The following SV2B variants were observed in gnomAD, a reference collection of about 807,000 sequenced individuals.
SV2B encodes synaptic vesicle glycoprotein 2B.
A neutral mutation model predicts 73.9 loss-of-function variants in SV2B; 41 were observed. The observed-to-expected ratio is 0.56, with a 90% CI of 0.43 to 0.72. The LOEUF (loss-of-function observed/expected upper bound fraction) is 0.72. SV2B is among the 30% of genes least tolerant of loss of function. SV2B has a pLI of 0.00. For synonymous variants in SV2B, 314 were observed against 314.2 expected (o/e 1.00, Z 0.01); for missense variants, 764 against 857.8 (o/e 0.89, Z 1.37).
rs16945403 is a variant in SV2B at position 91,236,584 on chromosome 15, A to G, written c.451+9870A>G. On this transcript the variant is annotated intron_variant, in intron 2 of 12. Coordinates refer to ENST00000394232, the MANE Select transcript of SV2B (RefSeq NM_001323032.3). The surrounding 1 kb of genome is among the most constrained non-coding windows in gnomAD (Gnocchi z 4.1). ...GTAAGCTTTTGACCTTGGTGGCCCA[A>G]TGAAGAGGGTTTAGAGATGGATCTT... Among the ~76,000 whole-genome samples, 21,313 of 152,184 alleles carry G rather than the reference A, an allele frequency of 0.14. 3,437 individuals carry two copies. The highest frequency in any genetic ancestry group is 0.4 in the African/African-American group (16,582 of 41,444).
At position 91,258,626 on chromosome 15, in the gene SV2B, T is replaced by G; in HGVS notation, c.918+72T>G. On this transcript the variant is annotated intron_variant, in intron 5 of 12. Transcript: ENST00000394232. This position sits in a 1 kb window ranked among gnomAD's most constrained non-coding sequence, Gnocchi z 4.7. ...AGGAACCCAGCCTCGCTTCCTTCTC[T>G]CAGCTCCTAGTCCCACATCCTCTGC... The G allele has an allele frequency of 1.2e-6, 2 of 1,601,514 alleles. No individual in the cohort carries two copies. The highest frequency in any genetic ancestry group is 1.7e-6 in the Non-Finnish European group (2 of 1,173,660).
In SV2B at chr15:91,242,172, G is replaced by A. The variant is rs775070573; in HGVS notation, c.452-9647G>A. Among the ~76,000 whole-genome samples, 39 of 152,060 alleles carry A rather than the reference G, an allele frequency of 2.6e-4. No homozygotes were observed. Among genetic ancestry groups the A allele is most frequent in the African/African-American group, 7.2e-4 (30 of 41,388 alleles). ...ACATCTAAGCTACCTCTGTCTCCTCGTTTTCCACCTGCCCATTGGCTGCTC... is the reference window on the plus strand; with the variant it reads ...ACATCTAAGCTACCTCTGTCTCCTCATTTTCCACCTGCCCATTGGCTGCTC... On this transcript the variant is annotated intron_variant, in intron 2 of 12. Transcript: ENST00000394232. This position sits in a 1 kb window ranked among gnomAD's most constrained non-coding sequence, Gnocchi z 4.9.
At chr15:91,165,376 C>T (rs1439188161) in intron 1 of SV2B, among the ~76,000 whole-genome samples, 4 of 152,166 alleles carry the variant, frequency 2.6e-5, no homozygotes, top group Non-Finnish European at 2.9e-5. Flanking sequence ...CAGTATTGAA[C>T]GTGTACAGGC....
intron 1 of SV2B, among the ~76,000 whole-genome samples, chr15:91,104,224 T>C (rs1414393055): frequency 2.0e-5 from 3 of 152,210 alleles, no homozygotes; most frequent in African/African-American, 7.2e-5. Flanking sequence ...GCTTGCTTGA[T>C]TTCAGCTGTG....
chr15:91,213,755 T>TA (rs1035188069), intron 1 of SV2B, among the ~76,000 whole-genome samples: 3 of 152,122 alleles, frequency 2.0e-5, no homozygotes, highest in Non-Finnish European at 4.4e-5. Context: ...AGGGTTACTA[T>TA]AAAAAAAGAC....
In SV2B at chr15:91,292,693, C is replaced by A. The variant is rs1036137789; in HGVS notation, c.*141C>A. Reference sequence around the variant, plus strand: ...TGACTTTGTGACCCCTAGTTTAGGACCCACTTCAGCTGTCAATATGTTTGT... The same window carrying A: ...TGACTTTGTGACCCCTAGTTTAGGAACCACTTCAGCTGTCAATATGTTTGT... On this transcript the variant is annotated 3_prime_UTR_variant, in exon 13 of 13. Coordinates refer to ENST00000394232, the MANE Select transcript of SV2B (RefSeq NM_001323032.3). 2.4e-5 allele frequency: 24 copies of A among 1,012,246 alleles called. No homozygotes were observed. Among genetic ancestry groups the A allele is most frequent in the Non-Finnish European group, 3.3e-5 (24 of 717,818 alleles). 62.7% of individuals were successfully genotyped at this position (1,012,246 alleles called of 1,614,324 possible). A position where few individuals can be genotyped will look rare whatever the true frequency, so the allele number is the denominator to read the frequency against.
chr15:91,289,546 C>G lies in SV2B; in HGVS notation c.1734C>G (p.Val578=), dbSNP rs772490667. Residue 578 remains valine, a synonymous_variant, in exon 12 of 13, where the codon GTC becomes GTG. Coordinates refer to ENST00000394232, the MANE Select transcript of SV2B (RefSeq NM_001323032.3). This position sits in a 1 kb window ranked among gnomAD's most constrained non-coding sequence, Gnocchi z 4.9. ...GTGGCTCCATGCTAATCTCTGCAGT[C>G]TGCTGCTTCTTCCTGTTTTTTGGCA... The part of the protein sequence containing the change: ...MIGGSMLISA[V]CCFFLFFGNS... The G allele has an allele frequency of 4.3e-6, 7 of 1,614,128 alleles. No homozygotes were observed. In the East Asian group the frequency reaches 1.6e-4, roughly 36 times the overall value.
At chr15:91,200,293 A>T (rs912897257) in intron 1 of SV2B, among the ~76,000 whole-genome samples, 2 of 152,192 alleles carry the variant, frequency 1.3e-5, no homozygotes, top group Non-Finnish European at 2.9e-5. Context: ...TCTCCAGCAA[A>T]ATTGCTAGGA....
At chr15:91,180,472 A>C (rs911890515) in intron 1 of SV2B, among the ~76,000 whole-genome samples, 24 of 152,086 alleles carry the variant, frequency 1.6e-4, no homozygotes, top group Admixed American at 8.5e-4. Flanking sequence ...TCTCCTGGAT[A>C]ATATCCTGCA....
At position 91,239,392 on chromosome 15, in the gene SV2B, A is replaced by G. The variant is rs1253984049; in HGVS notation, c.452-12427A>G. On this transcript the variant is annotated intron_variant, in intron 2 of 12. Coordinates refer to ENST00000394232, the MANE Select transcript of SV2B (RefSeq NM_001323032.3). The surrounding 1 kb of genome is among the most constrained non-coding windows in gnomAD (Gnocchi z 5.1). ...CTTGTGCTCGAAAGGAGACATGGTA[A>G]CAGATTATAAGGTATAAGGCATGAA... Among the ~76,000 whole-genome samples, 1 of 152,022 alleles carries G rather than the reference A, an allele frequency of 6.6e-6. No individual in the cohort carries two copies.
In SV2B at chr15:91,154,587, C is replaced by T. The variant is rs184135884; in HGVS notation, c.-392+54224C>T. 2.1e-4 allele frequency among the ~76,000 whole-genome samples: 32 copies of T among 152,228 alleles called. 1 individual carries two copies. The highest frequency in any genetic ancestry group is 1.5e-3 in the Admixed American group (23 of 15,272). ...TATTTAGATACGGGGTTTTTGCAGA[C>T]GTAACCAAGTTAATTTGAGGTCATA... On this transcript the variant is annotated intron_variant, in intron 1 of 12. Transcript: ENST00000394232.
chr15:91,264,865 T>G (rs2048047034), intron 6 of SV2B, among the ~76,000 whole-genome samples: 1 of 152,166 alleles, frequency 6.6e-6, no homozygotes, highest in Non-Finnish European at 1.5e-5. Context: ...CCAGCATGCG[T>G]GCCAGTTACT....
rs1031876065 is a variant in SV2B, at chr15:91,236,788, T to C, written c.451+10074T>C. ...GACATTACCTGGGGCAGCTGGAAGG[T>C]GGGGGCTGGAATCATCGGAGGGCTC... On this transcript the variant is annotated intron_variant, in intron 2 of 12. Coordinates refer to ENST00000394232, the MANE Select transcript of SV2B (RefSeq NM_001323032.3). This position sits in a 1 kb window ranked among gnomAD's most constrained non-coding sequence, Gnocchi z 4.1. Among the ~76,000 whole-genome samples the C allele has an allele frequency of 6.6e-6, 1 of 151,970 alleles. No homozygotes were observed. The highest frequency in any genetic ancestry group is 2.4e-5 in the African/African-American group (1 of 41,376).
At chr15:91,221,653 C>T (rs1381337705) in intron 1 of SV2B, among the ~76,000 whole-genome samples, 1 of 147,954 alleles carries the variant, frequency 6.8e-6, no homozygotes, top group Non-Finnish European at 1.5e-5. Context: ...CACCTTTGTC[C>T]AGGCCTCACC....
chr15:91,259,406 T>C (rs2047825293), intron 5 of SV2B, among the ~76,000 whole-genome samples: 1 of 152,156 alleles, frequency 6.6e-6, no homozygotes. Context: ...CCTATCTGCC[T>C]CCTTCCTAAG....
intron 1 of SV2B, among the ~76,000 whole-genome samples, chr15:91,133,421 G>C (rs2042717465): frequency 6.6e-6 from 1 of 151,746 alleles, no homozygotes; most frequent in African/African-American, 2.4e-5. Flanking sequence ...TTTGGTTGAG[G>C]TTCTCTGCTC....
At chr15:91,175,118 T>G (rs28386873) in intron 1 of SV2B, among the ~76,000 whole-genome samples, 5,650 of 152,258 alleles carry the variant, frequency 0.037, 375 homozygotes, top group African/African-American at 0.13. Context: ...TCCAACAAAG[T>G]GTTTGTCAGA....
chr15:91,201,882 C>T (rs1049326347), intron 1 of SV2B, among the ~76,000 whole-genome samples: 1 of 152,198 alleles, frequency 6.6e-6, no homozygotes, highest in African/African-American at 2.4e-5. Context: ...CTGCCTCTTT[C>T]CTTGTGCCTA....
chr15:91,200,504 A>T (rs1250702557), intron 1 of SV2B, among the ~76,000 whole-genome samples: 1 of 152,180 alleles, frequency 6.6e-6, no homozygotes, highest in Non-Finnish European at 1.5e-5. Flanking sequence ...CAGTATGTCA[A>T]TATGGGTCTT....
Sources: allele counts gnomAD v4.1 joint callset (sites outside exome capture counted in the v4.1 genomes callset), GRCh38; gene constraint gnomAD v4.1.1; non-coding constraint Gnocchi (gnomAD v3.1); transcripts MANE v1.5; gene names NCBI Gene and HGNC (gene_info 2026-07-23, HGNC 2026-07-21).